NKAIN2: variants seen among roughly 807,000 people sequenced by gnomAD.
NKAIN2 encodes the protein sodium/potassium-transporting ATPase subunit beta-1-interacting protein 2.
Under a neutral mutation model 32.6 loss-of-function variants are expected in NKAIN2, and 14 were observed. That is an observed-to-expected ratio of 0.43 (90% confidence interval 0.28 to 0.67). NKAIN2 has a LOEUF of 0.67. Ranked by LOEUF, NKAIN2 falls within the 30% of genes least tolerant of loss-of-function variation. The probability of loss-of-function intolerance (pLI) is 0.17; values close to 1 mark genes in which losing one functional copy is unlikely to be tolerated. For missense variants in NKAIN2, 198 were observed against 258.3 expected, an observed-to-expected ratio of 0.77 and a Z score of 1.60; for synonymous variants, 80 against 87.2, an observed-to-expected ratio of 0.92 and a Z score of 0.46.
chr6:124,049,855 G>A (rs1426019309), intron 1 of NKAIN2, among the ~76,000 whole-genome samples: 1 of 151,960 alleles, frequency 6.6e-6, no homozygotes, highest in Non-Finnish European at 1.5e-5. Flanking sequence ...GACTTATAAT[G>A]GCCCCAGAGT....
At chr6:124,142,752 T>C (rs900791580) in intron 1 of NKAIN2, among the ~76,000 whole-genome samples, 27 of 152,250 alleles carry the variant, frequency 1.8e-4, no homozygotes, top group African/African-American at 6.0e-4. Context: ...GGGATTACTA[T>C]ATTCTAGTTA....
At chr6:124,096,334 C>T (rs190645399) in intron 1 of NKAIN2, among the ~76,000 whole-genome samples, 2 of 152,300 alleles carry the variant, frequency 1.3e-5, no homozygotes, top group East Asian at 3.9e-4. Context: ...AATTATCTCT[C>T]AAATATCTCC....
At chr6:123,811,427 G>A (rs1486670779) in intron 1 of NKAIN2, among the ~76,000 whole-genome samples, 1 of 70,266 alleles carries the variant, frequency 1.4e-5, no homozygotes, top group Non-Finnish European at 2.3e-5. Context: ...GGTTGTGGGG[G>A]GGTGGGGGAG....
intron 4 of NKAIN2, among the ~76,000 whole-genome samples, chr6:124,699,314 T>A (rs1426950613): frequency 6.6e-6 from 1 of 152,142 alleles, no homozygotes; most frequent in Non-Finnish European, 1.5e-5. Context: ...GCCATATACT[T>A]CAGCTTCTCA....
intron 1 of NKAIN2, among the ~76,000 whole-genome samples, chr6:124,012,656 A>G (rs1050550543): frequency 6.6e-6 from 1 of 152,152 alleles, no homozygotes; most frequent in Non-Finnish European, 1.5e-5. Flanking sequence ...TACATGCATT[A>G]AAAATTCATT....
intron 3 of NKAIN2, among the ~76,000 whole-genome samples, chr6:124,468,603 T>A (rs934663791): frequency 1.3e-5 from 2 of 152,190 alleles, no homozygotes; most frequent in African/African-American, 4.8e-5. Flanking sequence ...AGGATGCACA[T>A]ATATTTAGAC....
intron 1 of NKAIN2, among the ~76,000 whole-genome samples, chr6:124,272,236 G>T (rs185803227): frequency 1.8e-4 from 28 of 152,272 alleles, no homozygotes; most frequent in Non-Finnish European, 4.0e-4. Context: ...CCCATCACAG[G>T]CCCAGAGGCC....
At chr6:124,515,713 CT>C (rs148372679) in intron 3 of NKAIN2, among the ~76,000 whole-genome samples, 65,420 of 67,702 alleles carry the variant, frequency 0.97, 32,172 homozygotes, top group South Asian at 1. Context: ...TTCGCTTTCT[CT>C]CCGTCTCGCT....
At chr6:124,012,805 ATTCT>A (rs1487276174) in intron 1 of NKAIN2, among the ~76,000 whole-genome samples, 4 of 152,316 alleles carry the variant, frequency 2.6e-5, no homozygotes, top group Middle Eastern at 3.4e-3. Context: ...TTTATGTGAA[ATTCT>A]TTCTATGGAT....
intron 1 of NKAIN2, among the ~76,000 whole-genome samples, chr6:124,132,082 AG>A (rs1786510187): frequency 6.6e-6 from 1 of 152,182 alleles, no homozygotes; most frequent in Non-Finnish European, 1.5e-5. Context: ...GGGGCACTGC[AG>A]GAGCAAGATT....
chr6:124,074,669 G>A (rs1245903867), intron 1 of NKAIN2, among the ~76,000 whole-genome samples: 1 of 152,106 alleles, frequency 6.6e-6, no homozygotes, highest in South Asian at 2.1e-4. Context: ...CTTTGCATGT[G>A]CTAGTCTTTT....
intron 1 of NKAIN2, among the ~76,000 whole-genome samples, chr6:123,850,288 A>T (rs1345948719): frequency 6.6e-6 from 1 of 150,540 alleles, no homozygotes; most frequent in Non-Finnish European, 1.5e-5. Context: ...TCAGAGTAGA[A>T]GGGACTGGAT....
chr6:124,021,005 C>A (rs1272826918), intron 1 of NKAIN2, among the ~76,000 whole-genome samples: 1 of 151,956 alleles, frequency 6.6e-6, no homozygotes, highest in Non-Finnish European at 1.5e-5. Flanking sequence ...AATATATAAC[C>A]ATCACTCCTC....
chr6:123,897,896 A>C (rs73770301), intron 1 of NKAIN2, among the ~76,000 whole-genome samples: 8,874 of 152,218 alleles, frequency 0.058, 822 homozygotes, highest in African/African-American at 0.2. Context: ...TAGCAAAACA[A>C]AGAATAAATG....
At chr6:123,980,873 T>TC (rs1196823097) in intron 1 of NKAIN2, among the ~76,000 whole-genome samples, 1 of 150,476 alleles carries the variant, frequency 6.6e-6, no homozygotes, top group Non-Finnish European at 1.5e-5. Flanking sequence ...TTTTCACTTA[T>TC]CCTTTTTTTT....
chr6:124,599,535 G>C (rs1299137792), intron 3 of NKAIN2, among the ~76,000 whole-genome samples: 1 of 152,104 alleles, frequency 6.6e-6, no homozygotes, highest in East Asian at 1.9e-4. Flanking sequence ...GCGTGTGAGG[G>C]CAAAGATATA....
intron 3 of NKAIN2, among the ~76,000 whole-genome samples, chr6:124,423,849 C>T (rs187967385): frequency 1.3e-5 from 2 of 152,272 alleles, no homozygotes; most frequent in East Asian, 3.9e-4. Context: ...TACTGACTTC[C>T]TTTCCTGTCC....
At chr6:124,146,032 A>G (rs1787381147) in intron 1 of NKAIN2, among the ~76,000 whole-genome samples, 1 of 152,200 alleles carries the variant, frequency 6.6e-6, no homozygotes, top group African/African-American at 2.4e-5. Context: ...TTTGAATAAG[A>G]TTAGGAAATC....
chr6:123,902,382 G>T (rs1474640642), intron 1 of NKAIN2, among the ~76,000 whole-genome samples: 1 of 152,034 alleles, frequency 6.6e-6, no homozygotes. Context: ...GCTAAAAAAA[G>T]TTTCATTTTA....
Sources: gnomAD v4.1 joint callset for allele counts (sites outside exome capture counted in the v4.1 genomes callset) on GRCh38, gnomAD v4.1.1 for gene constraint, MANE v1.5 for transcripts, NCBI Gene and HGNC (gene_info 2026-07-23, HGNC 2026-07-21) for gene names.